Variants in TANC1 observed in about 807,000 individuals in gnomAD.
TANC1 encodes protein TANC1.
Under a neutral mutation model 149.7 loss-of-function variants are expected in TANC1, and 77 were observed. The observed-to-expected ratio is 0.51, with a 90% confidence interval of 0.43 to 0.62. The LOEUF (loss-of-function observed/expected upper bound fraction) is 0.62. TANC1 is among the 20% of genes least tolerant of loss of function. The probability of loss-of-function intolerance (pLI) is 0.00; values close to 1 mark genes in which losing one functional copy is unlikely to be tolerated. For missense variants in TANC1, 1,985 were observed against 2,321.8 expected, an observed-to-expected ratio of 0.85 and a Z score of 2.98; for synonymous variants, 854 against 925.0, an observed-to-expected ratio of 0.92 and a Z score of 1.39.
chr2:159,217,384 G>T (rs4665042), intron 19 of TANC1, 113 bp from the exon 20 acceptor site: 8 of 1,374,036 alleles, frequency 5.8e-6, no homozygotes, highest in African/African-American at 1.4e-5. Flanking sequence ...GGTTCAAAGG[G>T]GGAGGACATA....
At chr2:159,070,504 A>G (rs1217604414) in intron 3 of TANC1, among the ~76,000 whole-genome samples, 1 of 152,176 alleles carries the variant, frequency 6.6e-6, no homozygotes, top group Non-Finnish European at 1.5e-5. Flanking sequence ...TGACATATCT[A>G]CCATTGTTGT....
chr2:159,071,076 G>C (rs1049029747), intron 3 of TANC1, among the ~76,000 whole-genome samples: 10 of 152,170 alleles, frequency 6.6e-5, no homozygotes, highest in Non-Finnish European at 4.4e-5. Context: ...CTCTAGAGAA[G>C]GCTGGTCCCT....
intron 4 of TANC1, among the ~76,000 whole-genome samples, chr2:159,130,647 G>T (rs970891187): frequency 2.0e-5 from 3 of 152,200 alleles, no homozygotes; most frequent in Admixed American, 6.5e-5. Flanking sequence ...GATGTCCCTT[G>T]TGCCAGTATC....
intron 1 of TANC1, among the ~76,000 whole-genome samples, chr2:158,989,023 G>A (rs1245696684): frequency 1.3e-5 from 2 of 152,102 alleles, no homozygotes; most frequent in Admixed American, 1.3e-4. Flanking sequence ...GGAGTTGCAG[G>A]GTGGGGAGAG....
At chr2:159,161,662 A>C (rs891193086) in intron 7 of TANC1, among the ~76,000 whole-genome samples, 5 of 152,242 alleles carry the variant, frequency 3.3e-5, no homozygotes, top group Non-Finnish European at 5.9e-5. Flanking sequence ...AAAGAGTCAT[A>C]CTTGCTATGC....
At chr2:159,170,933 A>G in intron 10 of TANC1, 128 bp downstream of exon 10, 3 of 1,026,600 alleles carry the variant, frequency 2.9e-6, no homozygotes, top group Non-Finnish European at 4.2e-6. Context: ...GTTTGCCATC[A>G]TGTGTGAAGT....
At chr2:159,018,491 A>G (rs1559137496) in intron 2 of TANC1, among the ~76,000 whole-genome samples, 1 of 152,212 alleles carries the variant, frequency 6.6e-6, no homozygotes, top group Non-Finnish European at 1.5e-5. Context: ...AGTAAAATAT[A>G]TGTAACATAG....
rs958945506 is a variant in TANC1, at chr2:159,186,034, C to T, written c.2619+135C>T. The T allele has an allele frequency of 3.2e-5, 21 of 650,834 alleles. No individual in the cohort carries two copies. The Admixed American group carries it at 5.6e-4, about 17-fold the overall frequency. 40.3% of individuals were successfully genotyped at this position (650,834 alleles called of 1,614,324 possible). A position where few individuals can be genotyped will look rare whatever the true frequency, so the allele number is the denominator to read the frequency against. The stretch of plus-strand genomic sequence containing the variant: ...CAGCCCAAATGCAACCTCCTCCTGC[C>T]TCCCCTCTCCAAAAGTAACCGCTGT... On this transcript the variant is annotated intron_variant, in intron 15 of 26. Transcript: ENST00000263635.
chr2:159,165,285 AT>A (rs2054475653), intron 8 of TANC1, among the ~76,000 whole-genome samples: 1 of 152,130 alleles, frequency 6.6e-6, no homozygotes, highest in Admixed American at 6.5e-5. Context: ...GAGCTTTCTG[AT>A]TTCTGCTGTG....
intron 17 of TANC1, among the ~76,000 whole-genome samples, chr2:159,195,460 G>C (rs56157902): frequency 0.23 from 35,299 of 152,040 alleles, 5,295 homozygotes; most frequent in Non-Finnish European, 0.35. Flanking sequence ...GAATGATATC[G>C]AGCTCACAGT....
intron 4 of TANC1, among the ~76,000 whole-genome samples, chr2:159,101,564 A>G (rs568903933): frequency 4.6e-5 from 7 of 152,056 alleles, no homozygotes; most frequent in African/African-American, 1.7e-4. Flanking sequence ...TATTGTTTCA[A>G]AACTTTTGTT....
intron 3 of TANC1, among the ~76,000 whole-genome samples, chr2:159,081,188 A>T (rs1190416066): frequency 6.6e-6 from 1 of 152,224 alleles, no homozygotes; most frequent in African/African-American, 2.4e-5. Flanking sequence ...TCAGGAGAAG[A>T]CAAGGAAGAA....
At chr2:158,969,207 C>T (rs1277841452) in intron 1 of TANC1, among the ~76,000 whole-genome samples, 1 of 152,222 alleles carries the variant, frequency 6.6e-6, no homozygotes, top group East Asian at 1.9e-4. Context: ...CTGGGCTACG[C>T]CTGGTACCTG....
At chr2:159,070,688 A>G (rs2043078546) in intron 3 of TANC1, among the ~76,000 whole-genome samples, 1 of 152,206 alleles carries the variant, frequency 6.6e-6, no homozygotes, top group Non-Finnish European at 1.5e-5. Context: ...CCTCGGATCT[A>G]GCTGCATGAG....
intron 2 of TANC1, among the ~76,000 whole-genome samples, chr2:159,047,826 T>C (rs1173867078): frequency 6.6e-6 from 1 of 152,212 alleles, no homozygotes; most frequent in Non-Finnish European, 1.5e-5. Flanking sequence ...CTTTCTAAAT[T>C]GAGACCTGTC....
chr2:159,097,190 C>A (rs2046229046), intron 3 of TANC1, among the ~76,000 whole-genome samples: 1 of 152,108 alleles, frequency 6.6e-6, no homozygotes, highest in African/African-American at 2.4e-5. Flanking sequence ...ACTACACTCT[C>A]ACTTAGTCTT....
chr2:159,117,214 G>A (rs1448342035), intron 4 of TANC1, among the ~76,000 whole-genome samples: 1 of 152,138 alleles, frequency 6.6e-6, no homozygotes, highest in Non-Finnish European at 1.5e-5. Flanking sequence ...ATTAAAGCTT[G>A]GGTGAACTTC....
At chr2:158,982,606 C>T (rs558843363) in intron 1 of TANC1, among the ~76,000 whole-genome samples, 38 of 152,210 alleles carry the variant, frequency 2.5e-4, no homozygotes, top group African/African-American at 8.7e-4. Context: ...TGTTTTACTT[C>T]ATTTGTTTAT....
chr2:159,174,832 G>A (rs1194079462), intron 11 of TANC1, 121 bp from the exon 12 acceptor site: 22 of 778,012 alleles, frequency 2.8e-5, no homozygotes, highest in Non-Finnish European at 4.7e-5. Context: ...ACCCAGTCTT[G>A]GGGAATAGAT....
Sources: gnomAD v4.1 joint callset for allele counts (sites outside exome capture counted in the v4.1 genomes callset) on GRCh38, gnomAD v4.1.1 for gene constraint, MANE v1.5 for transcripts, NCBI Gene and HGNC (gene_info 2026-07-23, HGNC 2026-07-21) for gene names.